TENT5D: variants seen among roughly 807,000 people sequenced by gnomAD.
TENT5D encodes cancer/testis antigen 112.
For missense variants in TENT5D, 191 were observed against 287.0 expected (o/e 0.67, Z 2.42); for synonymous variants, 103 against 100.6 (o/e 1.02, Z -0.15).
intron 2 of TENT5D, among the ~76,000 whole-genome samples, chrX:80,335,937 C>A (rs1929841626): frequency 9.1e-6 from 1 of 109,317 alleles, no homozygotes; most frequent in Non-Finnish European, 1.9e-5. Flanking sequence ...ACGAAAATTA[C>A]TACAAAGTCT....
chrX:80,397,211 G>A (rs1174183938), intron 3 of TENT5D, among the ~76,000 whole-genome samples: 1 of 106,918 alleles, frequency 9.4e-6, no homozygotes, highest in Admixed American at 9.7e-5. Flanking sequence ...TCACTTCTCA[G>A]ACGGGGCGGC....
intron 3 of TENT5D, among the ~76,000 whole-genome samples, chrX:80,410,731 A>T (rs1259993528): frequency 9.2e-6 from 1 of 108,616 alleles, no homozygotes; most frequent in Non-Finnish European, 1.9e-5. Context: ...TGACCCAGCC[A>T]TCCCATTACT....
At chrX:80,398,926 T>C (rs1469350020) in intron 3 of TENT5D, among the ~76,000 whole-genome samples, 1 of 111,946 alleles carries the variant, frequency 8.9e-6, no homozygotes, top group Non-Finnish European at 1.9e-5. Flanking sequence ...ACGTTGCATG[T>C]ATCATACTAC....
chrX:80,352,199 T>A (rs66868563), intron 3 of TENT5D, among the ~76,000 whole-genome samples: 12,506 of 111,795 alleles, frequency 0.11, 775 homozygotes, highest in African/African-American at 0.23. Context: ...CCTCCTTTTC[T>A]GGATCTGCTG....
intron 3 of TENT5D, among the ~76,000 whole-genome samples, chrX:80,387,169 A>G (rs760009679): frequency 8.9e-6 from 1 of 112,026 alleles, no homozygotes; most frequent in Non-Finnish European, 1.9e-5. Flanking sequence ...GACAGTTCCA[A>G]TGTCAAAGAT....
rs764141554 is a variant in TENT5D at position 80,380,978 on chromosome X, T to C, written c.-142+38414T>C. The stretch of plus-strand genomic sequence containing the variant: ...TTTACGTTTAAGGTTAATATTGTTA[T>C]ATGTGAATTGGATCCTGTCATCATG... On this transcript the variant is annotated intron_variant, in intron 3 of 4. Coordinates refer to the TENT5D transcript ENST00000538312. Among the ~76,000 whole-genome samples the C allele has an allele frequency of 4.5e-5, 5 of 112,092 alleles. No individual in the cohort carries two copies. The East Asian group carries it at 1.4e-3, about 31-fold the overall frequency.
At chrX:80,354,878 G>A (rs916570926) in intron 3 of TENT5D, among the ~76,000 whole-genome samples, 17 of 112,035 alleles carry the variant, frequency 1.5e-4, no homozygotes, top group African/African-American at 4.9e-4. Flanking sequence ...TCGATGGGGC[G>A]TTTTACTTTT....
intron 3 of TENT5D, among the ~76,000 whole-genome samples, chrX:80,365,505 T>C (rs907119533): frequency 1.2e-4 from 13 of 110,998 alleles, no homozygotes; most frequent in African/African-American, 4.3e-4. Flanking sequence ...TATATTTAGA[T>C]CCATCTAAAA....
At chrX:80,372,959 C>T (rs2147527255) in intron 3 of TENT5D, among the ~76,000 whole-genome samples, 1 of 109,302 alleles carries the variant, frequency 9.1e-6, no homozygotes, top group Non-Finnish European at 1.9e-5. Flanking sequence ...AAGCTAGATG[C>T]ACACAATAAT....
At chrX:80,386,054 C>G (rs1930994046) in intron 3 of TENT5D, among the ~76,000 whole-genome samples, 1 of 111,942 alleles carries the variant, frequency 8.9e-6, no homozygotes, top group African/African-American at 3.3e-5. Flanking sequence ...ACCATTTGAC[C>G]CAACCATCCC....
At position 80,442,863 on chromosome X, in the gene TENT5D, A is replaced by G. The variant is rs752494195; in HGVS notation, c.324A>G (p.Leu108=). The G allele has an allele frequency of 8.3e-6, 10 of 1,211,023 alleles. No individual in the cohort carries two copies. In the South Asian group the frequency reaches 1.8e-4, roughly 21 times the overall value. Residue 108 remains leucine (L), a synonymous_variant, in exon 3 of 3, where the codon CTA becomes CTG. Coordinates refer to ENST00000308293, the Ensembl canonical transcript of TENT5D. ...TTAAAGATGCAGTTCTAGACTGTCT[A>G]CTTGACTTTTTACCAAAAGATGTAA...
At chrX:80,397,339 G>A (rs866025053) in intron 3 of TENT5D, among the ~76,000 whole-genome samples, 8 of 107,298 alleles carry the variant, frequency 7.5e-5, no homozygotes, top group Admixed American at 1.9e-4. Context: ...ATGGGCGGCC[G>A]GGCAGAGATG....
rs762084722 is a variant in TENT5D, at chrX:80,380,118, A to G, written c.-142+37554A>G. 3.7e-5 allele frequency among the ~76,000 whole-genome samples: 4 copies of G among 108,724 alleles called. No homozygotes were observed. In the Admixed American group the frequency reaches 4.0e-4, roughly 11 times the overall value. The allele number at this position is 108,724 out of a possible 115,157, so 94.4% of individuals were successfully genotyped here. On this transcript the variant is annotated intron_variant, in intron 3 of 4. Coordinates refer to the TENT5D transcript ENST00000538312. ...TTTAGTGCTATAAATTTCCCTCTACACAGTGCTTTAAATGTGTCCCAGAGA... is the reference window on the plus strand; with the variant it reads ...TTTAGTGCTATAAATTTCCCTCTACGCAGTGCTTTAAATGTGTCCCAGAGA...
Position 80,337,314 on chromosome X carries a change from A to G in TENT5D, c.-207+1598A>G, listed in dbSNP as rs1207130053. ...TGAACTATCACCCAATTTAAGCAAA[A>G]GGATATTATACCCTTTAAGTTCCCT... On this transcript the variant is annotated intron_variant, in intron 2 of 4. Coordinates refer to the TENT5D transcript ENST00000538312. Among the ~76,000 whole-genome samples the G allele has an allele frequency of 3.6e-5, 4 of 111,969 alleles. No individual in the cohort carries two copies. The Admixed American group carries it at 3.8e-4, about 11-fold the overall frequency.
chrX:80,400,031 C>T (rs989165291), intron 3 of TENT5D, among the ~76,000 whole-genome samples: 1 of 111,362 alleles, frequency 9.0e-6, no homozygotes, highest in African/African-American at 3.3e-5. Context: ...CATTACAGGC[C>T]TTCTGCAAGC....
intron 2 of TENT5D, among the ~76,000 whole-genome samples, chrX:80,440,419 G>A (rs1004569148): frequency 1.1e-4 from 12 of 110,517 alleles, no homozygotes; most frequent in African/African-American, 3.6e-4. Context: ...CAATTTCTTG[G>A]TTTGAAGGAT....
chrX:80,375,818 C>T (rs1001268780), intron 3 of TENT5D, among the ~76,000 whole-genome samples: 2 of 111,760 alleles, frequency 1.8e-5, no homozygotes, highest in Non-Finnish European at 3.8e-5. Context: ...CTACAGAGTT[C>T]TGATAAACAT....
intron 3 of TENT5D, among the ~76,000 whole-genome samples, chrX:80,350,688 A>C (rs1045019576): frequency 9.0e-6 from 1 of 111,703 alleles, no homozygotes; most frequent in Non-Finnish European, 1.9e-5. Flanking sequence ...CGATCCTGTC[A>C]TCATGATGCT....
chrX:80,380,000 G>A (rs1404345200), intron 3 of TENT5D, among the ~76,000 whole-genome samples: 1 of 105,041 alleles, frequency 9.5e-6, no homozygotes, highest in East Asian at 3.1e-4. Flanking sequence ...TCTTCTGCTT[G>A]CTTTTGAATT....
Sources: gnomAD v4.1 joint callset for allele counts (sites outside exome capture counted in the v4.1 genomes callset) on GRCh38, gnomAD v4.1.1 for gene constraint, MANE v1.5 for transcripts, NCBI Gene and HGNC (gene_info 2026-07-23, HGNC 2026-07-21) for gene names.